Variants in HS3ST4 observed in about 807,000 individuals in gnomAD.
The protein encoded by HS3ST4 is heparan sulfate-glucosamine 3-sulfotransferase 4.
HS3ST4 carries 17 observed loss-of-function variants against 29.2 expected under a neutral mutation model. The ratio of observed to expected loss-of-function variants is 0.58; its 90% CI spans 0.40 to 0.87. The LOEUF (loss-of-function observed/expected upper bound fraction) is 0.87, where lower values mean the gene tolerates loss of function less well. Ranked by LOEUF, HS3ST4 falls within the 40% of genes least tolerant of loss-of-function variation. The pLI, the probability that HS3ST4 is intolerant of heterozygous loss-of-function variation, is 0.00. For synonymous variants in HS3ST4, 314 were observed against 285.7 expected (o/e 1.10, Z -1.00); for missense variants, 627 against 634.5 (o/e 0.99, Z 0.13).
At chr16:25,982,788 C>T (rs1969021834) in intron 1 of HS3ST4, among the ~76,000 whole-genome samples, 1 of 152,152 alleles carries the variant, frequency 6.6e-6, no homozygotes, top group Admixed American at 6.5e-5. Context: ...CAAGATCACA[C>T]CACTGCACTC....
chr16:25,947,161 C>G (rs1175702771), intron 1 of HS3ST4, among the ~76,000 whole-genome samples: 1 of 152,126 alleles, frequency 6.6e-6, no homozygotes, highest in Admixed American at 6.5e-5. Flanking sequence ...AAAGGCATTT[C>G]ATTTCATGGT....
chr16:26,054,368 C>T (rs1334059177), intron 1 of HS3ST4, among the ~76,000 whole-genome samples: 1 of 151,936 alleles, frequency 6.6e-6, no homozygotes, highest in Non-Finnish European at 1.5e-5. Context: ...CCTTGTTTTT[C>T]ACAAGAAAGC....
chr16:25,884,668 T>A (rs1481247068), intron 1 of HS3ST4, among the ~76,000 whole-genome samples: 5 of 152,082 alleles, frequency 3.3e-5, no homozygotes, highest in Non-Finnish European at 5.9e-5. Context: ...CAGGTTCAAG[T>A]GATTCTCCTG....
At chr16:25,941,655 C>T (rs1435046715) in intron 1 of HS3ST4, among the ~76,000 whole-genome samples, 1 of 152,120 alleles carries the variant, frequency 6.6e-6, no homozygotes, top group African/African-American at 2.4e-5. Context: ...CGGCTCACTG[C>T]AAGCTCTGCC....
At chr16:25,762,683 A>G (rs565075370) in intron 1 of HS3ST4, among the ~76,000 whole-genome samples, 1 of 151,858 alleles carries the variant, frequency 6.6e-6, no homozygotes, top group African/African-American at 2.4e-5. Flanking sequence ...CCTGGGCAAC[A>G]TGGAGAAACC....
intron 1 of HS3ST4, among the ~76,000 whole-genome samples, chr16:26,031,313 C>A (rs919039905): frequency 2.0e-5 from 3 of 152,182 alleles, no homozygotes; most frequent in African/African-American, 4.8e-5. Flanking sequence ...GATCATTCAG[C>A]AGCTCCCAGA....
chr16:26,084,502 AT>A (rs1475144940), intron 1 of HS3ST4, among the ~76,000 whole-genome samples: 1 of 152,170 alleles, frequency 6.6e-6, no homozygotes, highest in Non-Finnish European at 1.5e-5. Flanking sequence ...TTCCTGTAAG[AT>A]TGTAGGAACT....
At chr16:25,953,514 G>A (rs1323964743) in intron 1 of HS3ST4, among the ~76,000 whole-genome samples, 1 of 152,172 alleles carries the variant, frequency 6.6e-6, no homozygotes, top group Non-Finnish European at 1.5e-5. Flanking sequence ...GTAAGCAAAG[G>A]TATCCTGGGA....
chr16:25,730,770 G>A (rs1005093393), intron 1 of HS3ST4, among the ~76,000 whole-genome samples: 36 of 138,586 alleles, frequency 2.6e-4, no homozygotes, highest in South Asian at 1.8e-3. Flanking sequence ...CTTTTCCTCC[G>A]TTCTTTACTC....
At chr16:26,100,452 C>G (rs1014259796) in intron 1 of HS3ST4, among the ~76,000 whole-genome samples, 19 of 152,060 alleles carry the variant, frequency 1.2e-4, no homozygotes, top group Non-Finnish European at 2.5e-4. Context: ...TATTTGGGGC[C>G]CTCTCAGACC....
chr16:25,845,051 G>A (rs939967350), intron 1 of HS3ST4, among the ~76,000 whole-genome samples: 1 of 152,016 alleles, frequency 6.6e-6, no homozygotes, highest in South Asian at 2.1e-4. Context: ...CTGTTGGGGG[G>A]TGGGGTTGGG....
At chr16:25,725,798 A>G (rs1162882078) in intron 1 of HS3ST4, among the ~76,000 whole-genome samples, 1 of 151,196 alleles carries the variant, frequency 6.6e-6, no homozygotes, top group African/African-American at 2.4e-5. Flanking sequence ...AAATAAATGC[A>G]TATATTTAAT....
chr16:25,962,359 A>C (rs1358522602), intron 1 of HS3ST4, among the ~76,000 whole-genome samples: 2 of 152,232 alleles, frequency 1.3e-5, no homozygotes, highest in Non-Finnish European at 2.9e-5. Flanking sequence ...CTGGAGCTAG[A>C]GAGACCTGAG....
chr16:25,788,682 A>G (rs1381029042), intron 1 of HS3ST4, among the ~76,000 whole-genome samples: 1 of 150,954 alleles, frequency 6.6e-6, no homozygotes, highest in Non-Finnish European at 1.5e-5. Flanking sequence ...TTGGGACTAT[A>G]GGCATGCACC....
intron 1 of HS3ST4, among the ~76,000 whole-genome samples, chr16:26,079,432 C>G (rs1462578929): frequency 6.6e-6 from 1 of 152,180 alleles, no homozygotes; most frequent in East Asian, 1.9e-4. Flanking sequence ...TGCCTGGAAG[C>G]CCTGTAGCTT....
intron 1 of HS3ST4, among the ~76,000 whole-genome samples, chr16:25,750,740 A>C (rs1966713347): frequency 6.6e-6 from 1 of 152,158 alleles, no homozygotes; most frequent in Admixed American, 6.5e-5. Context: ...GTGTGTGTGC[A>C]TGTGAACGTG....
Position 25,762,876 on chromosome 16 carries a change from CAAAA to C in HS3ST4, c.734+69745_734+69748del, listed in dbSNP as rs67260535. On this transcript the variant is annotated intron_variant, in intron 1 of 1. Transcript: ENST00000331351. ...TGGGTGACAGAGCAAGACCCTGTCT[CAAAA>C]AAAAAAAAAAAAAAAAAAAGAAAAA... Among the ~76,000 whole-genome samples, 538 of 60,470 alleles carry C rather than the reference CAAAA, an allele frequency of 8.9e-3. 4 individuals are homozygous for C. The highest frequency in any genetic ancestry group is 0.031 in the African/African-American group (510 of 16,498). The allele number at this position is 60,470 out of a possible 152,430, so 39.7% of individuals were successfully genotyped here.
chr16:25,880,725 G>T (rs1447181119), intron 1 of HS3ST4, among the ~76,000 whole-genome samples: 1 of 152,130 alleles, frequency 6.6e-6, no homozygotes, highest in Non-Finnish European at 1.5e-5. Context: ...GGAGTGCTTG[G>T]GTTGCTAAAT....
In HS3ST4 at chr16:25,762,107, AT is replaced by A. The variant is rs1317881119; in HGVS notation, c.734+68957del. Among the ~76,000 whole-genome samples, 8 of 152,318 alleles carry A rather than the reference AT, an allele frequency of 5.3e-5. No homozygotes were observed. The East Asian group carries it at 1.5e-3, about 29-fold the overall frequency. On this transcript the variant is annotated intron_variant, in intron 1 of 1. Transcript: ENST00000331351. ...TGTCCCTCTGAGAAGAGGAGGATCC[AT>A]GAAGCCATAAGAGGATGTAACCGAG... is the stretch of plus-strand genomic sequence containing the variant.
Sources: gnomAD v4.1 joint callset for allele counts (sites outside exome capture counted in the v4.1 genomes callset) on GRCh38, gnomAD v4.1.1 for gene constraint, MANE v1.5 for transcripts, NCBI Gene and HGNC (gene_info 2026-07-23, HGNC 2026-07-21) for gene names.